Variants in RASGEF1A observed in about 807,000 individuals in gnomAD.
RASGEF1A encodes RasGEF domain family member 1A, also known as ras-GEF domain-containing family member 1A.
RASGEF1A carries 18 observed loss-of-function variants against 56.4 expected under a neutral mutation model. The ratio of observed to expected loss-of-function variants is 0.32; its 90% CI spans 0.22 to 0.47. The LOEUF is 0.47. Ranked by LOEUF, RASGEF1A falls within the 20% of genes least tolerant of loss-of-function variation. RASGEF1A has a pLI of 1.00. For missense variants in RASGEF1A, 422 were observed against 627.1 expected (o/e 0.67, Z 3.49); for synonymous variants, 245 against 242.6 (o/e 1.01, Z -0.09).
chr10:43,199,630 G>GT, intron 7 of RASGEF1A, 46 bp downstream of exon 7: 8 of 1,456,180 alleles, frequency 5.5e-6, no homozygotes, highest in Non-Finnish European at 7.7e-6. Context: ...GTCTCACTGG[G>GT]TGTGGGCATG....
intron 1 of RASGEF1A, among the ~76,000 whole-genome samples, chr10:43,240,136 G>A (rs1368102165): frequency 6.6e-6 from 1 of 152,242 alleles, no homozygotes; most frequent in African/African-American, 2.4e-5. Context: ...TTAGCTGAGA[G>A]CTGAAAGCAT....
At chr10:43,252,436 G>C (rs1840637437) in intron 1 of RASGEF1A, among the ~76,000 whole-genome samples, 2 of 152,080 alleles carry the variant, frequency 1.3e-5, no homozygotes, top group African/African-American at 2.4e-5. Context: ...TGGGCTACGG[G>C]GCTGCGGGAC....
chr10:43,203,832 G>A (rs1402437123), intron 2 of RASGEF1A: 3 of 996,746 alleles, frequency 3.0e-6, no homozygotes, highest in Admixed American at 5.2e-5. Context: ...TGGGGAGGGT[G>A]GGGGATGCAG....
Position 43,200,764 on chromosome 10 carries a change from G to A in RASGEF1A, c.584C>T (p.Pro195Leu). 2 of 1,613,942 alleles carry A rather than the reference G, an allele frequency of 1.2e-6. No individual in the cohort carries two copies. Among genetic ancestry groups the A allele is most frequent in the African/African-American group, 2.7e-5 (2 of 75,052 alleles). The change falls in exon 5 of 13, where the codon CCC (proline) becomes CTC (leucine). Residue 195 changes from proline to leucine, a missense_variant. Pro to Leu is a moderately conservative substitution (Grantham distance 98, BLOSUM62 -3). Coordinates refer to ENST00000395810, the MANE Select transcript of RASGEF1A (RefSeq NM_145313.4). ...KLRPPAVDKG[P>L]ILKTKPPAAQ... ...GGCTGGTGGCTTGGTCTTGAGGATG[G>A]GCCCCTTGTCTACAGCCGGTGGCCG...
chr10:43,225,694 C>A (rs1840270821), intron 1 of RASGEF1A, among the ~76,000 whole-genome samples: 1 of 152,206 alleles, frequency 6.6e-6, no homozygotes, highest in South Asian at 2.1e-4. Context: ...CTCAGCTACC[C>A]TGAAGCCACT....
intron 1 of RASGEF1A, among the ~76,000 whole-genome samples, chr10:43,227,764 C>T (rs900072735): frequency 6.6e-6 from 1 of 152,116 alleles, no homozygotes; most frequent in Non-Finnish European, 1.5e-5. Context: ...GTTGAACTGT[C>T]CCTGCTCCCA....
At position 43,195,050 on chromosome 10, in the gene RASGEF1A, T is replaced by C. The variant is rs866972287; in HGVS notation, c.*1194A>G. The stretch of plus-strand genomic sequence containing the variant: ...GCCCATCCTCACCCAGGCTTCCCCA[T>C]TGATCAAGGCTCCTGCGGAAACTGG... On this transcript the variant is annotated 3_prime_UTR_variant, in exon 13 of 13. Transcript: ENST00000395810. The surrounding 1 kb of genome is among the most constrained non-coding windows in gnomAD (Gnocchi z 4.2). 1 of 149,460 alleles carries C rather than the reference T, an allele frequency of 6.7e-6. No individual in the cohort carries two copies. The highest frequency in any genetic ancestry group is 1.5e-5 in the Non-Finnish European group (1 of 67,638). 9.3% of individuals were successfully genotyped at this position (149,460 alleles called of 1,614,324 possible).
At chr10:43,263,095 C>A (rs946569139) in intron 1 of RASGEF1A, among the ~76,000 whole-genome samples, 1 of 152,128 alleles carries the variant, frequency 6.6e-6, no homozygotes, top group Non-Finnish European at 1.5e-5. Context: ...ACCCAGAGGA[C>A]AGGTGGGGGC....
chr10:43,223,912 A>G (rs1414541328), intron 1 of RASGEF1A, among the ~76,000 whole-genome samples: 1 of 152,202 alleles, frequency 6.6e-6, no homozygotes, highest in Non-Finnish European at 1.5e-5. Flanking sequence ...TTGGGCATGA[A>G]AAAAGGGAAT....
chr10:43,204,955 C>T (rs1447500224), intron 2 of RASGEF1A, among the ~76,000 whole-genome samples: 1 of 152,234 alleles, frequency 6.6e-6, no homozygotes, highest in Non-Finnish European at 1.5e-5. Context: ...CCCAGCCAAA[C>T]CCTGACAGGG....
At position 43,230,102 on chromosome 10, in the gene RASGEF1A, C is replaced by T. The variant is rs1410182187; in HGVS notation, c.-6-23980G>A. ...AGGGGGCGCAGCGTGGGTCGGGGCT[C>T]GGCGCGGGAAGGGGATGCCTCTTAC... On this transcript the variant is annotated intron_variant, in intron 1 of 12. Coordinates refer to ENST00000395810, the MANE Select transcript of RASGEF1A (RefSeq NM_145313.4). Among the ~76,000 whole-genome samples, 4 of 152,194 alleles carry T rather than the reference C, an allele frequency of 2.6e-5. No individual in the cohort carries two copies. The East Asian group carries it at 7.8e-4, about 30-fold the overall frequency.
At chr10:43,255,512 T>C (rs1840678243) in intron 1 of RASGEF1A, among the ~76,000 whole-genome samples, 2 of 152,028 alleles carry the variant, frequency 1.3e-5, no homozygotes, top group African/African-American at 4.8e-5. Context: ...ACTCCTTGTC[T>C]CACAGCCCTG....
At chr10:43,200,983 T>A in intron 4 of RASGEF1A, 95 bp from the exon 5 acceptor site, 1 of 1,151,750 alleles carries the variant, frequency 8.7e-7, no homozygotes, top group Non-Finnish European at 1.3e-6. Context: ...GGGATGTGCC[T>A]AACCAACGTG....
At chr10:43,208,915 A>C (rs1413757955) in intron 1 of RASGEF1A, 2 of 985,478 alleles carry the variant, frequency 2.0e-6, no homozygotes, top group African/African-American at 1.7e-5. Flanking sequence ...TCCTGGGTGC[A>C]TCTGGCCAGC....
chr10:43,234,613 G>A (rs1435044889), intron 1 of RASGEF1A, among the ~76,000 whole-genome samples: 1 of 152,154 alleles, frequency 6.6e-6, no homozygotes, highest in East Asian at 1.9e-4. Flanking sequence ...AGGGTCAAGG[G>A]ACAGAAAGGC....
At chr10:43,229,510 C>T (rs983087549) in intron 1 of RASGEF1A, 12 of 697,194 alleles carry the variant, frequency 1.7e-5, no homozygotes, top group Admixed American at 1.2e-4. Flanking sequence ...GAGGGCGGCG[C>T]GCGGGTCCTC....
chr10:43,210,644 G>A lies in RASGEF1A; in HGVS notation c.-6-4522C>T, dbSNP rs145014322. ...TCTTCCACAGACTTCCAGGAAGCAC[G>A]GGGAGCCTCTCTCCTGCCTCAGCTG... is the stretch of plus-strand genomic sequence containing the variant. On this transcript the variant is annotated intron_variant, in intron 1 of 12. Coordinates refer to ENST00000395810, the MANE Select transcript of RASGEF1A (RefSeq NM_145313.4). Among the ~76,000 whole-genome samples the A allele has an allele frequency of 5.5e-4, 84 of 152,330 alleles. No individual in the cohort carries two copies. In the East Asian group the frequency reaches 0.01, roughly 18 times the overall value.
rs984881099 is a variant in RASGEF1A, at chr10:43,243,948, G to A, written c.-7+22897C>T. On this transcript the variant is annotated intron_variant, in intron 1 of 12. Coordinates refer to ENST00000395810, the MANE Select transcript of RASGEF1A (RefSeq NM_145313.4). ...ATGGTGGTTTTGTTGAAAAGAAAAGGGGGAAATGTGGGGAAAAGAAAGAGA... is the reference window on the plus strand; with the variant it reads ...ATGGTGGTTTTGTTGAAAAGAAAAGAGGGAAATGTGGGGAAAAGAAAGAGA... Among the ~76,000 whole-genome samples, 15 of 152,088 alleles carry A rather than the reference G, an allele frequency of 9.9e-5. 1 individual carries two copies. Among genetic ancestry groups the A allele is most frequent in the Non-Finnish European group, 1.6e-4 (11 of 68,018 alleles).
rs1331988832 is a variant in RASGEF1A at position 43,199,783 on chromosome 10, G to A, written c.757-15C>T. The A allele has an allele frequency of 6.2e-7, 1 of 1,606,600 alleles. No homozygotes were observed. Among genetic ancestry groups the A allele is most frequent in the Non-Finnish European group, 8.5e-7 (1 of 1,174,218 alleles). On this transcript the variant is annotated splice_polypyrimidine_tract_variant and intron_variant, in intron 6 of 12. Coordinates refer to ENST00000395810, the MANE Select transcript of RASGEF1A (RefSeq NM_145313.4). ...TCCCCTCGGCACTGGAAAGGACACA[G>A]CAGGTCATAGGGGGCCTGGAGGACC...
Sources: allele counts gnomAD v4.1 joint callset (sites outside exome capture counted in the v4.1 genomes callset), GRCh38; gene constraint gnomAD v4.1.1; non-coding constraint Gnocchi (gnomAD v3.1); transcripts MANE v1.5; gene names NCBI Gene and HGNC (gene_info 2026-07-23, HGNC 2026-07-21).